DMXL1: variants seen among roughly 807,000 people sequenced by gnomAD.
DMXL1 encodes Dmx like 1, also known as dmX-like protein 1.
In DMXL1, 99 loss-of-function variants were observed where a neutral mutation model predicts 319.2. The observed-to-expected ratio is 0.31, with a 90% CI of 0.26 to 0.37. DMXL1 has a LOEUF of 0.37. Ranked by LOEUF, DMXL1 falls within the 10% of genes least tolerant of loss-of-function variation. DMXL1 has a pLI of 1.00. For missense variants in DMXL1, 3,745 were observed against 3,595.6 expected, an observed-to-expected ratio of 1.04 and a Z score of -1.06; for synonymous variants, 1,385 against 1,235.2, an observed-to-expected ratio of 1.12 and a Z score of -2.54.
chr5:119,125,153 T>C (rs576219897), intron 9 of DMXL1, among the ~76,000 whole-genome samples: 1 of 152,336 alleles, frequency 6.6e-6, no homozygotes, highest in Non-Finnish European at 1.5e-5. Flanking sequence ...AACATTGTTA[T>C]GTGAATTTTT....
At chr5:119,089,742 C>T (rs190046945) in intron 1 of DMXL1, among the ~76,000 whole-genome samples, 1 of 150,850 alleles carries the variant, frequency 6.6e-6, no homozygotes, top group Admixed American at 6.6e-5. Context: ...TCTTCTGGCT[C>T]AGCTTTCCTG....
intron 28 of DMXL1, among the ~76,000 whole-genome samples, chr5:119,186,082 T>A (rs574757550): frequency 6.6e-6 from 1 of 152,302 alleles, no homozygotes; most frequent in Admixed American, 6.5e-5. Context: ...TTGAAATCTG[T>A]TTGTCTTAAA....
At chr5:119,121,927 C>G (rs1194936155) in intron 9 of DMXL1, among the ~76,000 whole-genome samples, 1 of 148,518 alleles carries the variant, frequency 6.7e-6, no homozygotes, top group East Asian at 2.0e-4. Context: ...CCCCCCACCT[C>G]CCTCCCGGAC....
chr5:119,248,257 A>G lies in DMXL1; in HGVS notation c.*1038A>G, dbSNP rs980949715. On this transcript the variant is annotated 3_prime_UTR_variant, in exon 44 of 44. Transcript: ENST00000539542. ...GTGAAAGCAGTCAAATTAAGTAGATACTATTTAGAAATGTAAAATACTCTC... is the reference window on the plus strand; with the variant it reads ...GTGAAAGCAGTCAAATTAAGTAGATGCTATTTAGAAATGTAAAATACTCTC... 3 of 152,546 alleles carry G rather than the reference A, an allele frequency of 2.0e-5. No individual in the cohort carries two copies. Among genetic ancestry groups the G allele is most frequent in the Non-Finnish European group, 4.4e-5 (3 of 67,952 alleles). 9.4% of individuals were successfully genotyped at this position (152,546 alleles called of 1,614,324 possible).
chr5:119,106,233 C>T (rs1404906001), intron 4 of DMXL1, among the ~76,000 whole-genome samples: 1 of 152,142 alleles, frequency 6.6e-6, no homozygotes, highest in Non-Finnish European at 1.5e-5. Context: ...TACATGGTGG[C>T]TGCATTCTGA....
At chr5:119,115,449 T>A (rs572365656) in intron 6 of DMXL1, among the ~76,000 whole-genome samples, 1 of 152,352 alleles carries the variant, frequency 6.6e-6, no homozygotes, top group South Asian at 2.1e-4. Context: ...TTTCACGAGC[T>A]GCTAATAAGT....
In DMXL1 at chr5:119,152,009, G is replaced by A. The variant is rs770791247; in HGVS notation, c.4675G>A (p.Ala1559Thr). 6.2e-7 allele frequency: 1 copy of A among 1,612,152 alleles called. No homozygotes were observed. Among genetic ancestry groups the A allele is most frequent in the Admixed American group, 1.7e-5 (1 of 59,868 alleles). The change falls in exon 19 of 44, where the codon GCC (alanine) becomes ACC (threonine). Residue 1559 changes from alanine to threonine, a missense_variant. Ala to Thr is a moderately conservative substitution (Grantham distance 58, BLOSUM62 0). This residue lies in a region of DMXL1 where 2,096 missense variants were observed against 1,985.4 expected (regional missense o/e 1.06). Coordinates refer to ENST00000539542, the MANE Select transcript of DMXL1 (RefSeq NM_001290321.3). ...TACCTTTCTTACAACTTCCCTTCCAGCCTATCGAGCTCAACTCCTTCACCA... is the reference window on the plus strand; with the variant it reads ...TACCTTTCTTACAACTTCCCTTCCAACCTATCGAGCTCAACTCCTTCACCA... ...LHTFLTTSLP[A>T]YRAQLLHQGL...
chr5:119,172,421 A>C (rs1463163201), intron 25 of DMXL1, among the ~76,000 whole-genome samples: 2 of 152,220 alleles, frequency 1.3e-5, no homozygotes, highest in Non-Finnish European at 2.9e-5. Context: ...GATAGGCAGT[A>C]CTTTGTGAAC....
rs570951271 is a variant in DMXL1, at chr5:119,119,127, A to G, written c.933+123A>G. 6.3e-6 allele frequency: 4 copies of G among 637,592 alleles called. No homozygotes were observed. The Admixed American group carries it at 1.5e-4, about 24-fold the overall frequency. The allele number at this position is 637,592 out of a possible 1,614,324, so 39.5% of individuals were successfully genotyped here. On this transcript the variant is annotated intron_variant, in intron 8 of 43. Transcript: ENST00000539542. ...GGAAAATAATTCTTAGAAAATTTTC[A>G]GTTCTATTTGGTTCAAAAAACATAT... is the stretch of plus-strand genomic sequence containing the variant.
intron 2 of DMXL1, chr5:119,100,601 A>C (rs1757027978): frequency 6.6e-6 from 1 of 151,948 alleles, no homozygotes; most frequent in Non-Finnish European, 1.5e-5. Context: ...ATTACCTTGG[A>C]AAAGTTCAAA....
intron 28 of DMXL1, 52 bp downstream of exon 28, chr5:119,178,296 T>C (rs556898321): frequency 3.2e-6 from 5 of 1,552,038 alleles, no homozygotes; most frequent in South Asian, 1.2e-5. Flanking sequence ...CTGAGTGATA[T>C]CATTCTCAAA....
intron 34 of DMXL1, among the ~76,000 whole-genome samples, chr5:119,208,736 A>G (rs904209544): frequency 6.6e-6 from 1 of 152,176 alleles, no homozygotes; most frequent in African/African-American, 2.4e-5. Flanking sequence ...ATAACTACAT[A>G]TATTTAAAGT....
chr5:119,132,585 C>A, intron 10 of DMXL1: 1 of 270,542 alleles, frequency 3.7e-6, no homozygotes, highest in Non-Finnish European at 7.4e-6. Flanking sequence ...GAGGCTGAGG[C>A]GGAATTGCTT....
At chr5:119,089,632 T>C (rs947143592) in intron 1 of DMXL1, among the ~76,000 whole-genome samples, 6 of 149,696 alleles carry the variant, frequency 4.0e-5, no homozygotes, top group Non-Finnish European at 8.9e-5. Context: ...CTGCCTTTTT[T>C]TTTTTTTTTT....
intron 30 of DMXL1, 65 bp from the exon 31 acceptor site, chr5:119,196,306 G>C (rs1779612237): frequency 2.4e-6 from 3 of 1,238,316 alleles, no homozygotes; most frequent in Non-Finnish European, 3.6e-6. Context: ...TTGAGTCAAA[G>C]GGTAGTATAC....
At chr5:119,145,296 A>G (rs1046208586) in intron 15 of DMXL1, among the ~76,000 whole-genome samples, 2 of 151,776 alleles carry the variant, frequency 1.3e-5, no homozygotes, top group African/African-American at 4.8e-5. Flanking sequence ...TCTCTTTTAC[A>G]TCATGTCTTT....
At chr5:119,120,503 T>A (rs1761810478) in intron 8 of DMXL1, among the ~76,000 whole-genome samples, 2 of 152,226 alleles carry the variant, frequency 1.3e-5, no homozygotes, top group African/African-American at 4.8e-5. Flanking sequence ...CCTCATGGCA[T>A]CAAATGGGAT....
chr5:119,089,780 C>A (rs1473620465), intron 1 of DMXL1, among the ~76,000 whole-genome samples: 1 of 151,534 alleles, frequency 6.6e-6, no homozygotes. Flanking sequence ...GCATACGCCA[C>A]CATACCCAGC....
intron 38 of DMXL1, among the ~76,000 whole-genome samples, chr5:119,232,577 C>T (rs1646488075): frequency 6.6e-6 from 1 of 152,058 alleles, no homozygotes; most frequent in Admixed American, 6.5e-5. Flanking sequence ...TCCCTTTTTA[C>T]AGGAAGGAAA....
Sources: gnomAD v4.1 joint callset for allele counts (sites outside exome capture counted in the v4.1 genomes callset) on GRCh38, gnomAD v4.1.1 for gene constraint, gnomAD v4.1.1 regional missense constraint, MANE v1.5 for transcripts, NCBI Gene and HGNC (gene_info 2026-07-23, HGNC 2026-07-21) for gene names.